The following ZER1 variants were observed in gnomAD, a reference collection of about 807,000 sequenced individuals.
ZER1 encodes zyg-11 related cell cycle regulator.
A neutral mutation model predicts 78.8 loss-of-function variants in ZER1; 11 were observed. The ratio of observed to expected loss-of-function variants is 0.14; its 90% CI spans 0.09 to 0.23. ZER1 has a LOEUF of 0.23. Ranked by LOEUF, ZER1 falls within the 10% of genes least tolerant of loss-of-function variation. ZER1 has a pLI of 1.00. For missense variants in ZER1, 588 were observed against 996.9 expected (o/e 0.59, Z 5.52); for synonymous variants, 400 against 407.0 (o/e 0.98, Z 0.21).
In ZER1 at chr9:128,755,592, C is replaced by T. The variant is rs1027307844; in HGVS notation, c.-27G>A. The stretch of plus-strand genomic sequence containing the variant: ...CTGGGGGCAAGCAGGTGGGCCACTC[C>T]AGGACAAGGATCCCCAGGGGCAACA... On this transcript the variant is annotated 5_prime_UTR_variant, in exon 2 of 16. Coordinates refer to ENST00000291900, the MANE Select transcript of ZER1 (RefSeq NM_006336.4). This position sits in a 1 kb window ranked among gnomAD's most constrained non-coding sequence, Gnocchi z 5.6. The T allele has an allele frequency of 3.1e-6, 5 of 1,598,556 alleles. No individual in the cohort carries two copies.
Position 128,752,836 on chromosome 9 carries a change from A to G in ZER1, c.760T>C (p.Ser254Pro), listed in dbSNP as rs1589534201. The change falls in exon 5 of 16, where the codon TCC becomes CCC. Residue 254 changes from serine (S) to proline (P), a missense_variant. Coordinates refer to ENST00000291900, the MANE Select transcript of ZER1 (RefSeq NM_006336.4). ...TAGTAGCTGGAGAGGCGGTCTCGGGAGATGTCCAGGTGTCTGAAGATTGGG... is the reference window on the plus strand; with the variant it reads ...TAGTAGCTGGAGAGGCGGTCTCGGGGGATGTCCAGGTGTCTGAAGATTGGG... The part of the protein sequence containing the change: ...QLHKLRHLDI[S>P]RDRLSSYYKF... The G allele has an allele frequency of 6.2e-7, 1 of 1,613,664 alleles. No homozygotes were observed. The highest frequency in any genetic ancestry group is 8.5e-7 in the Non-Finnish European group (1 of 1,179,768).
In ZER1 at chr9:128,753,126, C is replaced by T. The variant is rs777930645; in HGVS notation, c.746+38G>A. 3 of 1,493,582 alleles carry T rather than the reference C, an allele frequency of 2.0e-6. No individual in the cohort carries two copies. The allele number at this position is 1,493,582 out of a possible 1,614,324, so 92.5% of individuals were successfully genotyped here. ...CCTCTACTCCTCCCCACCTGCCCCC[C>T]AAACCCCACCCTGGTGAGCTCTGGG... On this transcript the variant is annotated intron_variant, in intron 4 of 15. Coordinates refer to ENST00000291900, the MANE Select transcript of ZER1 (RefSeq NM_006336.4). This position sits in a 1 kb window ranked among gnomAD's most constrained non-coding sequence, Gnocchi z 7.5.
In ZER1 at chr9:128,755,679, C is replaced by G; in HGVS notation, c.-94-20G>C. On this transcript the variant is annotated intron_variant, in intron 1 of 15. Coordinates refer to ENST00000291900, the MANE Select transcript of ZER1 (RefSeq NM_006336.4). The surrounding 1 kb of genome is among the most constrained non-coding windows in gnomAD (Gnocchi z 5.6). Reference sequence around the variant, plus strand: ...CACTGCCTGGGGAGTGGACAAGATGCCAAGTGAGCCACACACAAGGGCTAG... The same window carrying G: ...CACTGCCTGGGGAGTGGACAAGATGGCAAGTGAGCCACACACAAGGGCTAG... The G allele has an allele frequency of 7.4e-7, 1 of 1,354,878 alleles. No homozygotes were observed. The allele number at this position is 1,354,878 out of a possible 1,614,324, so 83.9% of individuals were successfully genotyped here.
chr9:128,768,785 C>T (rs565222063), intron 1 of ZER1, among the ~76,000 whole-genome samples: 20 of 152,238 alleles, frequency 1.3e-4, no homozygotes, highest in Non-Finnish European at 2.6e-4. Flanking sequence ...CGGGCACTTC[C>T]GGATCACCAG....
chr9:128,735,009 G>A (rs1222576230), intron 14 of ZER1, among the ~76,000 whole-genome samples: 6 of 152,126 alleles, frequency 3.9e-5, no homozygotes, highest in Non-Finnish European at 5.9e-5. Flanking sequence ...TCCTGTCTCG[G>A]CCTCCTGAAT....
chr9:128,749,338 T>C (rs868823822), intron 8 of ZER1, among the ~76,000 whole-genome samples: 1 of 151,992 alleles, frequency 6.6e-6, no homozygotes. Context: ...AAAAAATAAA[T>C]AAATAAAAAT....
At chr9:128,768,207 G>C (rs1179729335) in intron 1 of ZER1, among the ~76,000 whole-genome samples, 1 of 152,050 alleles carries the variant, frequency 6.6e-6, no homozygotes, top group African/African-American at 2.4e-5. Flanking sequence ...ACCAGACAGG[G>C]GTCTCTGCAC....
intron 8 of ZER1, among the ~76,000 whole-genome samples, 154 bp from the exon 9 acceptor site, chr9:128,742,899 GT>G (rs1863352277): frequency 6.6e-6 from 1 of 152,148 alleles, no homozygotes; most frequent in Non-Finnish European, 1.5e-5. Flanking sequence ...TCTAAAAAAT[GT>G]TTTTTAAAAA....
At position 128,753,584 on chromosome 9, in the gene ZER1, T is replaced by C. The variant is rs1863756928; in HGVS notation, c.326A>G (p.Tyr109Cys). ...GGACAGCTTCTCGCAGTTAGTCAGG[T>C]ACAGCTCCACCAGGTCCTGGGAGTG... ...AIRKQDLVEL[Y>C]LTNCEKLSAK... is the part of the protein sequence containing the mutation. Residue 109 changes from tyrosine (Y) to cysteine (C), a missense_variant, in exon 4 of 16, where the codon TAC (tyrosine) becomes TGC (cysteine). Physicochemically the swap from Tyr to Cys is radical, Grantham distance 194. Transcript: ENST00000291900. The surrounding 1 kb of genome is among the most constrained non-coding windows in gnomAD (Gnocchi z 7.5). 1 of 1,613,526 alleles carries C rather than the reference T, an allele frequency of 6.2e-7. No individual in the cohort carries two copies. The highest frequency in any genetic ancestry group is 1.7e-5 in the Admixed American group (1 of 60,030).
chr9:128,757,483 C>A (rs780762120), intron 1 of ZER1, among the ~76,000 whole-genome samples: 20 of 151,794 alleles, frequency 1.3e-4, no homozygotes, highest in Non-Finnish European at 2.6e-4. Flanking sequence ...GATTGCACCA[C>A]CGCGCTCTAG....
rs113224652 is a variant in ZER1, at chr9:128,732,527, G to A, written c.2243+899C>T. 0.071 allele frequency among the ~76,000 whole-genome samples: 10,860 copies of A among 152,140 alleles called. 517 individuals carry two copies. Among genetic ancestry groups the A allele is most frequent in the Middle Eastern group, 0.14 (42 of 294 alleles). ...TGGGATTACAGGCACGTACCACCAC[G>A]CCGAGCTAATTTTTGTATTTTTAGT... On this transcript the variant is annotated intron_variant, in intron 15 of 15. Coordinates refer to ENST00000291900, the MANE Select transcript of ZER1 (RefSeq NM_006336.4). The surrounding 1 kb of genome is among the most constrained non-coding windows in gnomAD (Gnocchi z 4.8).
chr9:128,750,792 G>T lies in ZER1; in HGVS notation c.1186-3C>A. 1 of 1,614,180 alleles carries T rather than the reference G, an allele frequency of 6.2e-7. No individual in the cohort carries two copies. The highest frequency in any genetic ancestry group is 8.5e-7 in the Non-Finnish European group (1 of 1,180,012). The stretch of plus-strand genomic sequence containing the variant: ...CACTTGAGGGCCGTGATGACCAGCT[G>T]TATGAAGACAAGGGGGACCTGGGCT... On this transcript the variant is annotated splice_region_variant and splice_polypyrimidine_tract_variant and intron_variant, in intron 7 of 15. Transcript: ENST00000291900.
chr9:128,736,008 G>A (rs1013081668), intron 13 of ZER1, among the ~76,000 whole-genome samples: 3 of 151,694 alleles, frequency 2.0e-5, no homozygotes, highest in Admixed American at 6.6e-5. Flanking sequence ...GAGTGCAGTG[G>A]CATGATCTCG....
At chr9:128,739,312 C>G (rs4837301) in intron 13 of ZER1, among the ~76,000 whole-genome samples, 149,818 of 151,476 alleles carry the variant, frequency 0.99, 74,108 homozygotes, top group South Asian at 1. Context: ...ACTATCCTGG[C>G]TAACACGGTG....
In ZER1 at chr9:128,730,641, C is replaced by T. The variant is rs951820020; in HGVS notation, c.*696G>A. On this transcript the variant is annotated 3_prime_UTR_variant, in exon 16 of 16. Coordinates refer to ENST00000291900, the MANE Select transcript of ZER1 (RefSeq NM_006336.4). The stretch of plus-strand genomic sequence containing the variant: ...CTGGTGGGAGACTAGGAGGCAGCCT[C>T]CATAGCAGCGTGGCCTCAGGCAGGC... 1 of 152,832 alleles carries T rather than the reference C, an allele frequency of 6.5e-6. No individual in the cohort carries two copies. The highest frequency in any genetic ancestry group is 1.5e-5 in the Non-Finnish European group (1 of 68,202). The allele number at this position is 152,832 out of a possible 1,614,324, so 9.5% of individuals were successfully genotyped here.
At chr9:128,736,919 G>T (rs1353901779) in intron 13 of ZER1, among the ~76,000 whole-genome samples, 3 of 152,018 alleles carry the variant, frequency 2.0e-5, no homozygotes, top group African/African-American at 4.8e-5. Context: ...TGAGGGGGGT[G>T]GATTGCCTGA....
Position 128,755,294 on chromosome 9 carries a change from C to A in ZER1, c.158+114G>T. The A allele has an allele frequency of 7.0e-7, 1 of 1,431,646 alleles. No individual in the cohort carries two copies. The allele number at this position is 1,431,646 out of a possible 1,614,324, so 88.7% of individuals were successfully genotyped here. A position where few individuals can be genotyped will look rare whatever the true frequency, so the allele number is the denominator to read the frequency against. On this transcript the variant is annotated intron_variant, in intron 2 of 15. Transcript: ENST00000291900. This position sits in a 1 kb window ranked among gnomAD's most constrained non-coding sequence, Gnocchi z 5.6. Reference sequence around the variant, plus strand: ...GAACATCCATGTGCACACACACACACCCTCACACATTCATCTCCATAGCTA... The same window carrying A: ...GAACATCCATGTGCACACACACACAACCTCACACATTCATCTCCATAGCTA...
At chr9:128,742,006 C>A (rs2132413683) in intron 9 of ZER1, among the ~76,000 whole-genome samples, 165 bp from the exon 10 acceptor site, 1 of 152,344 alleles carries the variant, frequency 6.6e-6, no homozygotes, top group South Asian at 2.1e-4. Flanking sequence ...GCATCCACGC[C>A]TCAGCCCCTT....
chr9:128,770,416 C>T (rs1164602370), intron 1 of ZER1, among the ~76,000 whole-genome samples: 1 of 152,122 alleles, frequency 6.6e-6, no homozygotes, highest in African/African-American at 2.4e-5. Flanking sequence ...AAGCGTGAGC[C>T]CTTATGCTGT....
Sources: allele counts gnomAD v4.1 joint callset (sites outside exome capture counted in the v4.1 genomes callset), GRCh38; gene constraint gnomAD v4.1.1; non-coding constraint Gnocchi (gnomAD v3.1); transcripts MANE v1.5; gene names NCBI Gene and HGNC (gene_info 2026-07-23, HGNC 2026-07-21).